Variants in C14orf39 observed in about 807,000 individuals in gnomAD.
C14orf39 encodes the protein chromosome 14 open reading frame 39.
C14orf39 carries 66 observed loss-of-function variants against 85.6 expected under a neutral mutation model. The observed-to-expected ratio is 0.77, with a 90% CI of 0.63 to 0.95. C14orf39 has a LOEUF of 0.95. Among genes scored for constraint, C14orf39 ranks in the 40% least tolerant of loss-of-function variants. C14orf39 has a pLI of 0.00. For missense variants in C14orf39, 735 were observed against 663.9 expected (o/e 1.11, Z -1.18); for synonymous variants, 242 against 214.0 (o/e 1.13, Z -1.14).
intron 1 of C14orf39, chr14:60,509,360 T>G: frequency 6.4e-7 from 1 of 1,570,242 alleles, no homozygotes; most frequent in Non-Finnish European, 8.7e-7. Context: ...CGTGTCCCGC[T>G]CCGGGCTCAG....
intron 2 of C14orf39, chr14:60,495,986 G>T (rs139617447): frequency 1.0e-5 from 5 of 487,190 alleles, no homozygotes; most frequent in Non-Finnish European, 1.6e-5. Context: ...ACTTTAGGAC[G>T]AAGGGTATCA....
intron 2 of C14orf39, chr14:60,496,608 T>A (rs993847051): frequency 6.3e-6 from 1 of 159,336 alleles, no homozygotes; most frequent in African/African-American, 2.4e-5. Context: ...GGATTTTTTG[T>A]ACAATTTTTC....
At chr14:60,489,424 T>C (rs887091350), upstream of C14orf39, among the ~76,000 whole-genome samples, 1 of 152,190 alleles carries the variant, frequency 6.6e-6, no homozygotes. Context: ...GTTATGAAGA[T>C]TAAATAAAAT....
At chr14:60,501,024 TGTAA>T (rs768072455) in intron 1 of C14orf39, among the ~76,000 whole-genome samples, 1 of 151,910 alleles carries the variant, frequency 6.6e-6, no homozygotes, top group Non-Finnish European at 1.5e-5. Flanking sequence ...TGTGTGTGTG[TGTAA>T]GTGTGAGTGT....
At chr14:60,461,643 A>G in intron 11 of C14orf39, 50 bp from the exon 12 acceptor site, 3 of 1,280,568 alleles carry the variant, frequency 2.3e-6, no homozygotes, top group South Asian at 3.3e-5. Flanking sequence ...AGCAATAAAA[A>G]TTTTTTGCTT....
upstream of C14orf39, among the ~76,000 whole-genome samples, chr14:60,486,785 T>C (rs761142212): frequency 2.6e-5 from 4 of 152,220 alleles, no homozygotes; most frequent in Non-Finnish European, 5.9e-5. Context: ...AAAAAGAAGG[T>C]TTCAGAAGTT....
intron 16 of C14orf39, among the ~76,000 whole-genome samples, chr14:60,445,930 A>C (rs540063055): frequency 6.6e-6 from 1 of 152,324 alleles, no homozygotes; most frequent in East Asian, 1.9e-4. Flanking sequence ...CCACAACTAC[A>C]TGGAAACTGA....
upstream of C14orf39, among the ~76,000 whole-genome samples, chr14:60,488,968 C>T (rs1287475920): frequency 6.6e-6 from 1 of 152,026 alleles, no homozygotes; most frequent in African/African-American, 2.4e-5. Context: ...ATTTCTTTCC[C>T]CCTCACCATC....
At chr14:60,444,579 G>A (rs1277055371) in intron 16 of C14orf39, among the ~76,000 whole-genome samples, 1 of 152,202 alleles carries the variant, frequency 6.6e-6, no homozygotes, top group Non-Finnish European at 1.5e-5. Context: ...TTTGATTGGT[G>A]TACCTGAAAG....
chr14:60,461,306 T>C (rs747424049), intron 13 of C14orf39, 48 bp downstream of exon 13: 2 of 1,501,564 alleles, frequency 1.3e-6, no homozygotes, highest in South Asian at 1.2e-5. Flanking sequence ...AAACCTGATA[T>C]AATTTGTTAC....
chr14:60,474,119 T>C (rs1312228535), intron 5 of C14orf39, among the ~76,000 whole-genome samples: 1 of 152,184 alleles, frequency 6.6e-6, no homozygotes, highest in Non-Finnish European at 1.5e-5. Flanking sequence ...AAGTCCTTCA[T>C]ATCCCTTCTA....
intron 17 of C14orf39, among the ~76,000 whole-genome samples, chr14:60,440,425 T>C (rs1019279019): frequency 1.3e-5 from 2 of 152,164 alleles, no homozygotes; most frequent in African/African-American, 4.8e-5. Context: ...TCTCAATCCT[T>C]ATATCCAGTC....
intron 1 of C14orf39, chr14:60,508,933 GC>G: frequency 5.5e-6 from 1 of 182,722 alleles, no homozygotes; most frequent in Non-Finnish European, 1.1e-5. Flanking sequence ...TGCCGCACTC[GC>G]CTCTCTTTTT....
intron 5 of C14orf39, among the ~76,000 whole-genome samples, chr14:60,477,083 A>G (rs1892412836): frequency 6.6e-6 from 1 of 152,156 alleles, no homozygotes; most frequent in Non-Finnish European, 1.5e-5. Context: ...CTATCCTTTC[A>G]AGATGATTAT....
intron 1 of C14orf39, among the ~76,000 whole-genome samples, chr14:60,506,604 C>A (rs1473125980): frequency 6.6e-6 from 1 of 152,194 alleles, no homozygotes; most frequent in Non-Finnish European, 1.5e-5. Context: ...CAGTCTATTT[C>A]CTTTGGGTTA....
At chr14:60,447,666 C>T (rs1890834891) in intron 16 of C14orf39, among the ~76,000 whole-genome samples, 1 of 152,162 alleles carries the variant, frequency 6.6e-6, no homozygotes, top group African/African-American at 2.4e-5. Flanking sequence ...CTACCAAAGA[C>T]TTTCTTCATA....
chr14:60,482,317 G>C (rs1283905862), intron 4 of C14orf39, among the ~76,000 whole-genome samples: 1 of 152,076 alleles, frequency 6.6e-6, no homozygotes, highest in Non-Finnish European at 1.5e-5. Flanking sequence ...AAAGAAAATG[G>C]TCAACAACAT....
rs1446090424 is a variant in C14orf39, at chr14:60,457,547, C to T, written c.1180-452G>A. Among the ~76,000 whole-genome samples, 3 of 151,978 alleles carry T rather than the reference C, an allele frequency of 2.0e-5. 1 individual carries two copies. The highest frequency in any genetic ancestry group is 6.6e-5 in the Admixed American group (1 of 15,222). ...TTGACCCTATAAATCTGTTATGCTA[C>T]TTTCTCTACAATAATTGAGAATCTG... On this transcript the variant is annotated intron_variant, in intron 14 of 17. Coordinates refer to ENST00000321731, the MANE Select transcript of C14orf39 (RefSeq NM_174978.3).
At chr14:60,449,708 G>A (rs1344157495) in intron 16 of C14orf39, among the ~76,000 whole-genome samples, 1 of 151,874 alleles carries the variant, frequency 6.6e-6, no homozygotes, top group Admixed American at 6.6e-5. Context: ...CCATTTCACT[G>A]ATTTCTCTTA....
Sources: gnomAD v4.1 joint callset for allele counts (sites outside exome capture counted in the v4.1 genomes callset) on GRCh38, gnomAD v4.1.1 for gene constraint, MANE v1.5 for transcripts, NCBI Gene and HGNC (gene_info 2026-07-23, HGNC 2026-07-21) for gene names.